GLMN: variants seen among roughly 807,000 people sequenced by gnomAD.
GLMN encodes the protein glomulin, FKBP associated protein.
GLMN carries 75 observed loss-of-function variants against 87.8 expected under a neutral mutation model. The observed-to-expected ratio is 0.85, with a 90% CI of 0.71 to 1.04. The LOEUF (loss-of-function observed/expected upper bound fraction) is 1.04, where lower values mean the gene tolerates loss of function less well. Ranked by LOEUF, GLMN falls within the 50% of genes least tolerant of loss-of-function variation. The pLI, the probability that GLMN is intolerant of heterozygous loss-of-function variation, is 0.00. For missense variants in GLMN, 588 were observed against 658.8 expected, an observed-to-expected ratio of 0.89 and a Z score of 1.18; for synonymous variants, 206 against 221.6, an observed-to-expected ratio of 0.93 and a Z score of 0.63.
the GLMN span, among the ~76,000 whole-genome samples, chr1:92,319,095 T>G: frequency 6.6e-6 from 1 of 152,064 alleles, no homozygotes; most frequent in Non-Finnish European, 1.5e-5. Context: ...AGAGTGGAGA[T>G]TCAAGGGATT....
chr1:92,273,446 T>G (rs1570915563), intron 7 of GLMN, among the ~76,000 whole-genome samples: 2 of 147,624 alleles, frequency 1.4e-5, no homozygotes, highest in African/African-American at 2.5e-5. Flanking sequence ...GCCCTGTTTT[T>G]TTTTTTTTTT....
intron 7 of GLMN, among the ~76,000 whole-genome samples, chr1:92,280,935 A>T (rs1647963385): frequency 6.6e-6 from 1 of 152,226 alleles, no homozygotes; most frequent in African/African-American, 2.4e-5. Flanking sequence ...GTGCAAAGAA[A>T]CGAACAAAGC....
At chr1:92,258,288 C>A (rs1408896872) in intron 16 of GLMN, among the ~76,000 whole-genome samples, 1 of 152,170 alleles carries the variant, frequency 6.6e-6, no homozygotes, top group African/African-American at 2.4e-5. Context: ...AATAGGAACG[C>A]TTTTACACTG....
the GLMN span, among the ~76,000 whole-genome samples, chr1:92,342,748 C>T: frequency 1.3e-5 from 2 of 152,182 alleles, no homozygotes; most frequent in East Asian, 1.9e-4. Context: ...TGGTGACTGG[C>T]TGGACATGGG....
rs367828400 is a variant in GLMN at position 92,265,137 on chromosome 1, G to A, written c.1215-499C>T. Among the ~76,000 whole-genome samples, 8 of 152,170 alleles carry A rather than the reference G, an allele frequency of 5.3e-5. No individual in the cohort carries two copies. The East Asian group carries it at 5.8e-4, about 11-fold the overall frequency. ...ATTACAGGCATGAGCCACCACACCC[G>A]GCCGGTAAATACTTATTTATAACTG... On this transcript the variant is annotated intron_variant, in intron 13 of 18. Transcript: ENST00000370360.
chr1:92,358,903 T>TAAAA, the GLMN span, among the ~76,000 whole-genome samples: 1 of 151,844 alleles, frequency 6.6e-6, no homozygotes, highest in Non-Finnish European at 1.5e-5. Context: ...TCTTTAAATT[T>TAAAA]AAAAAAAACA....
upstream of GLMN, among the ~76,000 whole-genome samples, chr1:92,303,160 AAC>A (rs1382010174): frequency 6.6e-6 from 1 of 152,240 alleles, no homozygotes; most frequent in African/African-American, 2.4e-5. Context: ...CTATTACAAA[AAC>A]ACTTCTTAGT....
At chr1:92,247,252 A>AT in intron 17 of GLMN, 108 bp from the exon 18 acceptor site, 2 of 749,454 alleles carry the variant, frequency 2.7e-6, no homozygotes, top group South Asian at 2.8e-5. Flanking sequence ...ATTTGTATAA[A>AT]TTATTAAGTC....
chr1:92,266,131 A>C (rs1459510180), intron 13 of GLMN, among the ~76,000 whole-genome samples: 1 of 152,200 alleles, frequency 6.6e-6, no homozygotes, highest in African/African-American at 2.4e-5. Context: ...GAGCATCATC[A>C]ATCTCAGTTT....
At chr1:92,258,519 A>T (rs1654567669) in intron 16 of GLMN, among the ~76,000 whole-genome samples, 1 of 152,234 alleles carries the variant, frequency 6.6e-6, no homozygotes, top group Admixed American at 6.5e-5. Context: ...CCCATCAATG[A>T]TAGACTGGAT....
At chr1:92,248,059 A>G in intron 16 of GLMN, 70 bp from the exon 17 acceptor site, 1 of 762,850 alleles carries the variant, frequency 1.3e-6, no homozygotes, top group Non-Finnish European at 2.4e-6. Context: ...ACGCGATAAA[A>G]GCTCAAAAAA....
At chr1:92,263,816 AAGAATT>A (rs765785204) in intron 14 of GLMN, 84 bp from the exon 15 acceptor site, 12 of 783,670 alleles carry the variant, frequency 1.5e-5, no homozygotes, top group Non-Finnish European at 2.8e-5. Flanking sequence ...TACAAAAATG[AAGAATT>A]GCACATTTAA....
the GLMN span, among the ~76,000 whole-genome samples, chr1:92,369,669 T>C: frequency 6.6e-6 from 1 of 152,062 alleles, no homozygotes; most frequent in Admixed American, 6.6e-5. Flanking sequence ...GTCCCTTTCA[T>C]TGTGTATTGG....
In GLMN at chr1:92,286,597, G is replaced by A; in HGVS notation, c.633-5C>T. On this transcript the variant is annotated splice_polypyrimidine_tract_variant and splice_region_variant and intron_variant, in intron 6 of 18. Coordinates refer to ENST00000370360, the MANE Select transcript of GLMN (RefSeq NM_053274.3). ...CATTTCAAGCTTTTGAAACAACTAA[G>A]GCATAAGAAATAGGTAACTATGAAA... 6.9e-7 allele frequency: 1 copy of A among 1,442,978 alleles called. No individual in the cohort carries two copies. Among genetic ancestry groups the A allele is most frequent in the Non-Finnish European group, 9.8e-7 (1 of 1,024,854 alleles). The allele number at this position is 1,442,978 out of a possible 1,614,324, so 89.4% of individuals were successfully genotyped here.
chr1:92,261,819 T>TGGCGGAGTGATA (rs1240603445), intron 16 of GLMN, among the ~76,000 whole-genome samples: 6 of 65,486 alleles, frequency 9.2e-5, no homozygotes, highest in Non-Finnish European at 1.9e-4. Flanking sequence ...AAAAATAGAC[T>TGGCGGAGTGATA]GACGGAGTGA....
rs568333771 is a variant in GLMN at position 92,296,056 on chromosome 1, TAAG to T, written c.165+1345_165+1347del. Among the ~76,000 whole-genome samples, 381 of 152,134 alleles carry T rather than the reference TAAG, an allele frequency of 2.5e-3. 3 individuals carry two copies. Among genetic ancestry groups the T allele is most frequent in the South Asian group, 9.3e-3 (45 of 4,824 alleles). On this transcript the variant is annotated intron_variant, in intron 3 of 18. Transcript: ENST00000370360. ...TAAAATGTCCTATTTTAATAAAAAA[TAAG>T]AAGGGTATAAGCCATTTGAACTACT...
At chr1:92,364,783 G>A in the GLMN span, among the ~76,000 whole-genome samples, 1 of 152,038 alleles carries the variant, frequency 6.6e-6, no homozygotes, top group African/African-American at 2.4e-5. Flanking sequence ...TCCCAAGCAG[G>A]TCTCCTTGCC....
chr1:92,267,311 TA>T (rs974770665), intron 11 of GLMN, among the ~76,000 whole-genome samples: 9 of 152,206 alleles, frequency 5.9e-5, no homozygotes, highest in Admixed American at 5.9e-4. Context: ...AATAAAGTGT[TA>T]AAAGAAGAAA....
chr1:92,364,010 G>A, the GLMN span, among the ~76,000 whole-genome samples: 1 of 152,136 alleles, frequency 6.6e-6, no homozygotes, highest in Non-Finnish European at 1.5e-5. Context: ...TCAACTGCAT[G>A]GGGGAGGGGG....
Sources: gnomAD v4.1 joint callset for allele counts (sites outside exome capture counted in the v4.1 genomes callset) on GRCh38, gnomAD v4.1.1 for gene constraint, MANE v1.5 for transcripts, NCBI Gene and HGNC (gene_info 2026-07-23, HGNC 2026-07-21) for gene names.